GRIA4: variants seen among roughly 807,000 people sequenced by gnomAD.
GRIA4 encodes the protein glutamate ionotropic receptor AMPA type subunit 4.
A neutral mutation model predicts 104.0 loss-of-function variants in GRIA4; 34 were observed. The observed-to-expected ratio is 0.33, with a 90% CI of 0.25 to 0.44. GRIA4 has a LOEUF of 0.44. Among genes scored for constraint, GRIA4 ranks in the 20% least tolerant of loss-of-function variants. The pLI is 1.00. For missense variants in GRIA4, 750 were observed against 1,096.5 expected (o/e 0.68, Z 4.46); for synonymous variants, 386 against 381.9 (o/e 1.01, Z -0.13).
chr11:105,612,127 A>C, intron 2 of GRIA4, 149 bp from the exon 3 acceptor site: 1 of 672,708 alleles, frequency 1.5e-6, no homozygotes, highest in Non-Finnish European at 2.6e-6. Flanking sequence ...CATGCACCTT[A>C]GGGACAAAGG....
intron 10 of GRIA4, chr11:105,912,323 C>G (rs894252906): frequency 1.0e-6 from 1 of 975,610 alleles, no homozygotes; most frequent in African/African-American, 1.8e-5. Flanking sequence ...TTTGCCTGTT[C>G]TGTGTGAAAT....
chr11:105,736,528 C>A (rs1591167905), intron 3 of GRIA4, among the ~76,000 whole-genome samples: 1 of 152,112 alleles, frequency 6.6e-6, no homozygotes, highest in Admixed American at 6.6e-5. Context: ...ATTTTAGAAT[C>A]TCCTTGTATA....
intron 4 of GRIA4, among the ~76,000 whole-genome samples, chr11:105,780,626 A>T (rs1040173520): frequency 2.0e-5 from 3 of 152,192 alleles, no homozygotes; most frequent in African/African-American, 7.2e-5. Context: ...GAAAAAAATT[A>T]TTATTGCTGA....
At chr11:105,657,919 A>G (rs543294509) in intron 3 of GRIA4, among the ~76,000 whole-genome samples, 10 of 151,796 alleles carry the variant, frequency 6.6e-5, no homozygotes, top group Admixed American at 3.9e-4. Context: ...TTTGCTGTGA[A>G]CTTAAAAATG....
intron 3 of GRIA4, 64 bp downstream of exon 3, chr11:105,612,498 C>T (rs1950506141): frequency 7.9e-7 from 1 of 1,261,312 alleles, no homozygotes; most frequent in East Asian, 2.3e-5. Context: ...GAGTCCTCTT[C>T]CTCTTTGTTA....
chr11:105,914,639 C>A (rs941106532), intron 10 of GRIA4, among the ~76,000 whole-genome samples: 3 of 152,076 alleles, frequency 2.0e-5, no homozygotes, highest in African/African-American at 4.8e-5. Flanking sequence ...AGATGTAGAA[C>A]CCCATTCATT....
chr11:105,859,577 AATAACAACATGGATGCC>A (rs1012036189), intron 4 of GRIA4, among the ~76,000 whole-genome samples: 5 of 152,176 alleles, frequency 3.3e-5, no homozygotes, highest in Admixed American at 6.6e-5. Flanking sequence ...TCAGCAGGAG[AATAACAACATGGATGCC>A]TAGTCCTGAC....
intron 3 of GRIA4, among the ~76,000 whole-genome samples, chr11:105,711,464 C>A (rs1386017072): frequency 2.6e-5 from 4 of 152,016 alleles, no homozygotes; most frequent in Non-Finnish European, 5.9e-5. Context: ...ATTATTCCTT[C>A]ATATGATAGA....
intron 10 of GRIA4, among the ~76,000 whole-genome samples, chr11:105,917,041 C>G (rs1386049389): frequency 6.6e-6 from 1 of 152,082 alleles, no homozygotes; most frequent in Non-Finnish European, 1.5e-5. Context: ...TGCTTTGCAA[C>G]AATTCACCAA....
chr11:105,684,554 T>C (rs1226974518), intron 3 of GRIA4, among the ~76,000 whole-genome samples: 1 of 147,268 alleles, frequency 6.8e-6, no homozygotes, highest in Non-Finnish European at 1.5e-5. Context: ...TACATATATA[T>C]ATATATACAC....
intron 3 of GRIA4, among the ~76,000 whole-genome samples, chr11:105,654,670 A>C (rs1377658801): frequency 6.6e-6 from 1 of 152,156 alleles, no homozygotes; most frequent in Non-Finnish European, 1.5e-5. Context: ...CAGGAGAATA[A>C]GTCTTTCTAT....
chr11:105,797,838 T>G, intron 4 of GRIA4: 1 of 455,568 alleles, frequency 2.2e-6, no homozygotes, highest in Non-Finnish European at 4.4e-6. Context: ...CTGCTTGCCT[T>G]TTAGGGCCTA....
intron 4 of GRIA4, among the ~76,000 whole-genome samples, chr11:105,783,813 G>T (rs1941840026): frequency 6.6e-6 from 1 of 150,428 alleles, no homozygotes; most frequent in Non-Finnish European, 1.5e-5. Flanking sequence ...AATCTTATCA[G>T]TTTGTCATAA....
chr11:105,874,287 G>A (rs1945733811), intron 5 of GRIA4, among the ~76,000 whole-genome samples: 1 of 152,052 alleles, frequency 6.6e-6, no homozygotes, highest in Admixed American at 6.6e-5. Context: ...TATCTGTTTA[G>A]GTACCAGTAC....
chr11:105,900,698 C>T (rs1049765704), intron 7 of GRIA4, among the ~76,000 whole-genome samples: 2 of 152,144 alleles, frequency 1.3e-5, no homozygotes, highest in East Asian at 1.9e-4. Context: ...AAGCGATTCT[C>T]GTGCCTCAGC....
intron 3 of GRIA4, among the ~76,000 whole-genome samples, chr11:105,616,345 C>A (rs906133791): frequency 6.6e-6 from 1 of 151,500 alleles, no homozygotes; most frequent in Non-Finnish European, 1.5e-5. Context: ...AATATTAATT[C>A]TGTGTGGCTG....
intron 4 of GRIA4, among the ~76,000 whole-genome samples, chr11:105,860,135 C>T (rs1001357684): frequency 1.3e-5 from 2 of 152,044 alleles, no homozygotes; most frequent in African/African-American, 2.4e-5. Flanking sequence ...CCTCTTTCTT[C>T]CTCTTCGGGG....
intron 3 of GRIA4, among the ~76,000 whole-genome samples, chr11:105,743,792 A>T (rs1318152218): frequency 1.3e-5 from 2 of 152,174 alleles, no homozygotes; most frequent in African/African-American, 4.8e-5. Context: ...CTATCCATTC[A>T]TTCATTCAAG....
chr11:105,653,056 C>A (rs1276044365), intron 3 of GRIA4, among the ~76,000 whole-genome samples: 1 of 152,022 alleles, frequency 6.6e-6, no homozygotes, highest in African/African-American at 2.4e-5. Flanking sequence ...GGACTACAGG[C>A]ACACGCCACC....
Sources: gnomAD v4.1 joint callset for allele counts (sites outside exome capture counted in the v4.1 genomes callset) on GRCh38, gnomAD v4.1.1 for gene constraint, MANE v1.5 for transcripts, NCBI Gene and HGNC (gene_info 2026-07-23, HGNC 2026-07-21) for gene names.